LOC400499: variants seen among roughly 807,000 people sequenced by gnomAD.
At chr16:11,412,367 C>T in the LOC400499 span, among the ~76,000 whole-genome samples, 13 of 152,184 alleles carry the variant, frequency 8.5e-5, no homozygotes, top group African/African-American at 3.1e-4. Context: ...ACTGTAGCAA[C>T]CAGAAATTCC....
At chr16:11,520,710 G>A in the LOC400499 span, among the ~76,000 whole-genome samples, 1 of 149,456 alleles carries the variant, frequency 6.7e-6, no homozygotes, top group Non-Finnish European at 1.5e-5. Flanking sequence ...CTTGGGAGAA[G>A]TGACCAAGAG....
the LOC400499 span, among the ~76,000 whole-genome samples, chr16:11,428,336 T>A: frequency 6.6e-6 from 1 of 152,114 alleles, no homozygotes; most frequent in Non-Finnish European, 1.5e-5. Context: ...CACGCCTGGC[T>A]AATTTTTTTG....
chr16:11,443,459 CT>C, the LOC400499 span: 2 of 281,034 alleles, frequency 7.1e-6, no homozygotes, highest in Non-Finnish European at 6.7e-6. Context: ...CAGAGTGAGA[CT>C]CTGTCTTAAA....
chr16:11,396,465 C>T, the LOC400499 span: 16 of 1,231,448 alleles, frequency 1.3e-5, no homozygotes, highest in Admixed American at 8.4e-5. Flanking sequence ...GCAGGGATGC[C>T]GGGATATCTT....
chr16:11,388,051 G>C, the LOC400499 span, among the ~76,000 whole-genome samples: 12 of 152,146 alleles, frequency 7.9e-5, no homozygotes, highest in Non-Finnish European at 1.5e-4. Context: ...ATAGTGGGAA[G>C]ACAAACATCT....
the LOC400499 span, among the ~76,000 whole-genome samples, chr16:11,455,860 A>C: frequency 6.6e-6 from 1 of 152,116 alleles, no homozygotes; most frequent in Non-Finnish European, 1.5e-5. Context: ...AACTTTATAA[A>C]CTTTAATCAA....
chr16:11,477,291 G>T, the LOC400499 span, among the ~76,000 whole-genome samples: 31 of 152,336 alleles, frequency 2.0e-4, no homozygotes, highest in Non-Finnish European at 4.4e-4. Flanking sequence ...CATTCCCCAT[G>T]TCAAACTCAG....
the LOC400499 span, among the ~76,000 whole-genome samples, chr16:11,488,255 T>C: frequency 6.6e-6 from 1 of 152,072 alleles, no homozygotes. Context: ...TTAACAAAAA[T>C]ATAAGGTACA....
At chr16:11,516,316 G>C in the LOC400499 span, 1 of 399,390 alleles carries the variant, frequency 2.5e-6, no homozygotes, top group East Asian at 3.6e-5. Context: ...CACTGCAGGA[G>C]GGCGGACAGG....
chr16:11,378,100 G>C, the LOC400499 span, among the ~76,000 whole-genome samples: 1 of 152,060 alleles, frequency 6.6e-6, no homozygotes, highest in African/African-American at 2.4e-5. Context: ...TAGGTTGTTG[G>C]TTTGAGAGCT....
At chr16:11,453,531 G>A in the LOC400499 span, among the ~76,000 whole-genome samples, 1 of 152,120 alleles carries the variant, frequency 6.6e-6, no homozygotes. Context: ...ACAGGACGCT[G>A]TAAGAAAGGA....
the LOC400499 span, among the ~76,000 whole-genome samples, chr16:11,423,732 C>G: frequency 6.6e-6 from 1 of 152,188 alleles, no homozygotes; most frequent in Admixed American, 6.5e-5. Flanking sequence ...AGGACAGCTG[C>G]GGGTGTGAGG....
chr16:11,400,768 A>G, the LOC400499 span, among the ~76,000 whole-genome samples: 1,250 of 152,188 alleles, frequency 8.2e-3, 36 homozygotes, highest in East Asian at 0.078. Context: ...AGTGCTTATC[A>G]TATCACACCT....
chr16:11,457,106 G>A, the LOC400499 span: 7 of 1,437,788 alleles, frequency 4.9e-6, no homozygotes, highest in Middle Eastern at 2.0e-4. Flanking sequence ...AATGTGCCCG[G>A]GAAGTTGAGG....
the LOC400499 span, among the ~76,000 whole-genome samples, chr16:11,463,810 AAT>A: frequency 4.6e-5 from 7 of 151,974 alleles, no homozygotes; most frequent in Non-Finnish European, 8.8e-5. Flanking sequence ...TGTGTGTATG[AAT>A]ATGTGTGTAT....
the LOC400499 span, among the ~76,000 whole-genome samples, chr16:11,492,419 C>T: frequency 6.6e-6 from 1 of 152,024 alleles, no homozygotes; most frequent in Non-Finnish European, 1.5e-5. Flanking sequence ...CCAACTCAGC[C>T]CCTGTCCACC....
At chr16:11,469,694 G>A in the LOC400499 span, 1 of 398,870 alleles carries the variant, frequency 2.5e-6, no homozygotes, top group East Asian at 3.6e-5. Context: ...CTTCAAGATT[G>A]AGAGCCTCCA....
chr16:11,500,797 G>A, the LOC400499 span: 2 of 399,122 alleles, frequency 5.0e-6, no homozygotes, highest in East Asian at 3.6e-5. Context: ...GGGGTGCAGG[G>A]ACTCACCAGC....
At chr16:11,386,232 GC>G in the LOC400499 span, among the ~76,000 whole-genome samples, 1 of 151,930 alleles carries the variant, frequency 6.6e-6, no homozygotes, top group Non-Finnish European at 1.5e-5. Flanking sequence ...AGCCAGTGCG[GC>G]CCCTGAGCTG....
Sources: gnomAD v4.1 joint callset for allele counts (sites outside exome capture counted in the v4.1 genomes callset) on GRCh38, gnomAD v4.1.1 for gene constraint, MANE v1.5 for transcripts.